GNAT3: variants seen among roughly 807,000 people sequenced by gnomAD.
GNAT3 encodes the protein guanine nucleotide-binding protein G(t) subunit alpha-3.
Under a neutral mutation model 37.7 loss-of-function variants are expected in GNAT3, and 31 were observed. That is an observed-to-expected ratio of 0.82 (90% CI 0.62 to 1.11). The LOEUF (loss-of-function observed/expected upper bound fraction) is 1.11. GNAT3 is among the 50% of genes most tolerant of loss of function. The probability of loss-of-function intolerance (pLI) is 0.00; values close to 1 mark genes in which losing one functional copy is unlikely to be tolerated. For synonymous variants in GNAT3, 138 were observed against 139.8 expected, an observed-to-expected ratio of 0.99 and a Z score of 0.09; for missense variants, 437 against 412.5, an observed-to-expected ratio of 1.06 and a Z score of -0.51.
chr7:80,496,233 C>T (rs1419161850), intron 1 of GNAT3, among the ~76,000 whole-genome samples: 7 of 152,078 alleles, frequency 4.6e-5, no homozygotes, highest in African/African-American at 1.2e-4. Flanking sequence ...TGGGTTCAAG[C>T]GATTCTCCTG....
Position 80,462,551 on chromosome 7 carries a change from C to T in GNAT3, c.671G>A (p.Cys224Tyr). 6.2e-7 allele frequency: 1 copy of T among 1,613,586 alleles called. No homozygotes were observed. The highest frequency in any genetic ancestry group is 1.3e-5 in the African/African-American group (1 of 75,040). Residue 224 changes from cysteine to tyrosine, a missense_variant, in exon 6 of 8, where the codon TGT becomes TAT. Coordinates refer to ENST00000398291, the MANE Select transcript of GNAT3 (RefSeq NM_001102386.3). ...CATGTCATAGGCACTAAGTGCAGCA[C>T]AAAATATAATGCATGTAACTCCTTC... ...CFEGVTCIIF[C>Y]AALSAYDMVL...
chr7:80,502,062 C>T (rs990591731), intron 1 of GNAT3, among the ~76,000 whole-genome samples: 11 of 151,518 alleles, frequency 7.3e-5, no homozygotes, highest in Non-Finnish European at 1.3e-4. Flanking sequence ...CTATAGTTAC[C>T]AATAATGTAC....
intron 1 of GNAT3, among the ~76,000 whole-genome samples, chr7:80,499,446 A>G (rs1265037440): frequency 6.6e-6 from 1 of 152,048 alleles, no homozygotes; most frequent in African/African-American, 2.4e-5. Flanking sequence ...GTGCAGTAGC[A>G]TGATCATGAC....
intron 1 of GNAT3, among the ~76,000 whole-genome samples, chr7:80,507,167 T>G (rs964491878): frequency 6.6e-6 from 1 of 151,960 alleles, no homozygotes; most frequent in Non-Finnish European, 1.5e-5. Flanking sequence ...TTCCAAAGAA[T>G]GTGTTTATCT....
intron 5 of GNAT3, among the ~76,000 whole-genome samples, chr7:80,471,189 C>G (rs893103673): frequency 6.7e-6 from 1 of 149,972 alleles, no homozygotes; most frequent in Admixed American, 6.6e-5. Flanking sequence ...GCCAGTCTGT[C>G]TTTTCACATT....
At chr7:80,481,776 T>G (rs750896933) in intron 3 of GNAT3, among the ~76,000 whole-genome samples, 39 of 152,104 alleles carry the variant, frequency 2.6e-4, no homozygotes, top group Non-Finnish European at 2.6e-4. Flanking sequence ...TGAGGCTTCA[T>G]CTACATAATA....
chr7:80,499,912 C>A (rs1790801404), intron 1 of GNAT3, among the ~76,000 whole-genome samples: 1 of 152,146 alleles, frequency 6.6e-6, no homozygotes, highest in Non-Finnish European at 1.5e-5. Flanking sequence ...CTAGAACATA[C>A]ACTAATATAT....
At chr7:80,461,711 A>C (rs1790053215) in intron 7 of GNAT3, among the ~76,000 whole-genome samples, 1 of 152,166 alleles carries the variant, frequency 6.6e-6, no homozygotes, top group African/African-American at 2.4e-5. Context: ...AAACCGGAAA[A>C]TGAAGATGTC....
chr7:80,462,250 T>C lies in GNAT3; in HGVS notation c.783A>G (p.Thr261=). ...NSICNHKYFS[T]TSIVLFLNKK... ...TGTTGAGGAACAGGACAATGGAGGTTGTTGAAAAATACTTGTGATTACAGA... is the reference window on the plus strand; with the variant it reads ...TGTTGAGGAACAGGACAATGGAGGTCGTTGAAAAATACTTGTGATTACAGA... Residue 261 remains threonine (T), a synonymous_variant, in exon 7 of 8, where the codon ACA becomes ACG. Coordinates refer to ENST00000398291, the MANE Select transcript of GNAT3 (RefSeq NM_001102386.3). 1 of 1,612,168 alleles carries C rather than the reference T, an allele frequency of 6.2e-7. No individual in the cohort carries two copies. Among genetic ancestry groups the C allele is most frequent in the South Asian group, 1.1e-5 (1 of 90,904 alleles).
chr7:80,499,006 T>C (rs1012175169), intron 1 of GNAT3, among the ~76,000 whole-genome samples: 6 of 152,168 alleles, frequency 3.9e-5, no homozygotes, highest in African/African-American at 1.4e-4. Flanking sequence ...CAAGGCTTGA[T>C]TGCTCATTTT....
intron 7 of GNAT3, among the ~76,000 whole-genome samples, chr7:80,459,267 G>A (rs1436363427): frequency 6.6e-6 from 1 of 152,138 alleles, no homozygotes; most frequent in African/African-American, 2.4e-5. Context: ...ACTTTGAGAG[G>A]TAGCTACAAC....
rs75821317 is a variant in GNAT3 at position 80,465,207 on chromosome 7, A to C, written c.591-2576T>G. On this transcript the variant is annotated intron_variant, in intron 5 of 7. Transcript: ENST00000398291. The stretch of plus-strand genomic sequence containing the variant: ...TTCAGACTTCGTAAACTGGAGTTTT[A>C]TTTCTTTCTTTGTTGAAATTACTTT... 6.1e-3 allele frequency among the ~76,000 whole-genome samples: 925 copies of C among 152,206 alleles called. 29 individuals carry two copies. The East Asian group carries it at 0.067, about 11-fold the overall frequency.
At chr7:80,464,003 C>A (rs1336179888) in intron 5 of GNAT3, among the ~76,000 whole-genome samples, 1 of 151,614 alleles carries the variant, frequency 6.6e-6, no homozygotes, top group African/African-American at 2.4e-5. Context: ...CTCATTCATC[C>A]TTTATTCAAT....
intron 1 of GNAT3, among the ~76,000 whole-genome samples, chr7:80,495,884 CT>C (rs1790707525): frequency 6.6e-6 from 1 of 152,120 alleles, no homozygotes. Context: ...CCTTTGCCCA[CT>C]TTTTGATGGA....
At chr7:80,478,249 T>C (rs1584176675) in intron 4 of GNAT3, among the ~76,000 whole-genome samples, 1 of 152,328 alleles carries the variant, frequency 6.6e-6, no homozygotes, top group East Asian at 1.9e-4. Flanking sequence ...AATGAAATTA[T>C]AAATAGTGTC....
intron 3 of GNAT3, among the ~76,000 whole-genome samples, chr7:80,487,402 C>T (rs1376705544): frequency 1.3e-5 from 2 of 152,282 alleles, no homozygotes; most frequent in East Asian, 3.9e-4. Flanking sequence ...AAATACCTGA[C>T]TCCTTGCTTT....
intron 4 of GNAT3, among the ~76,000 whole-genome samples, chr7:80,477,943 C>T (rs1790332721): frequency 6.6e-6 from 1 of 152,212 alleles, no homozygotes; most frequent in South Asian, 2.1e-4. Context: ...CAGGGTCTTG[C>T]TCTTTTGCCC....
intron 2 of GNAT3, among the ~76,000 whole-genome samples, chr7:80,488,980 A>G (rs1219892820): frequency 6.6e-6 from 1 of 152,054 alleles, no homozygotes; most frequent in Non-Finnish European, 1.5e-5. Flanking sequence ...CTATTTTTTT[A>G]AGAGAAAAAT....
intron 4 of GNAT3, among the ~76,000 whole-genome samples, chr7:80,477,904 A>G (rs1790331740): frequency 6.6e-6 from 1 of 152,154 alleles, no homozygotes; most frequent in South Asian, 2.1e-4. Flanking sequence ...ACTTGCTAAA[A>G]TAATTGTTTT....
Sources: allele counts gnomAD v4.1 joint callset (sites outside exome capture counted in the v4.1 genomes callset), GRCh38; gene constraint gnomAD v4.1.1; transcripts MANE v1.5; gene names NCBI Gene and HGNC (gene_info 2026-07-23, HGNC 2026-07-21).